PSMB7: variants seen among roughly 807,000 people sequenced by gnomAD.
The protein encoded by PSMB7 is proteasome 20S subunit beta 7.
In PSMB7, 5 loss-of-function variants were observed where a neutral mutation model predicts 28.1. That is an observed-to-expected ratio of 0.18 (90% CI 0.09 to 0.37). The LOEUF (loss-of-function observed/expected upper bound fraction) is 0.37, where lower values mean the gene tolerates loss of function less well. PSMB7 is among the 10% of genes least tolerant of loss of function. The probability of loss-of-function intolerance (pLI) is 1.00; values close to 1 mark genes in which losing one functional copy is unlikely to be tolerated. For missense variants in PSMB7, 275 were observed against 346.2 expected, an observed-to-expected ratio of 0.79 and a Z score of 1.63; for synonymous variants, 122 against 123.7, an observed-to-expected ratio of 0.99 and a Z score of 0.09.
chr9:124,375,132 T>A (rs1021184841), intron 6 of PSMB7, among the ~76,000 whole-genome samples: 9 of 151,216 alleles, frequency 6.0e-5, no homozygotes, highest in African/African-American at 1.9e-4. Flanking sequence ...AAGCTATGGA[T>A]CACAATAAAC....
In PSMB7 at chr9:124,356,054, G is replaced by C. The variant is rs1406865416; in HGVS notation, c.722+710C>G. ...ATGCTGCAGCTGGAAGCAGCACTCAGGGAGCCCATCCTGACCTGCCCGGGC... is the reference window on the plus strand; with the variant it reads ...ATGCTGCAGCTGGAAGCAGCACTCACGGAGCCCATCCTGACCTGCCCGGGC... On this transcript the variant is annotated intron_variant, in intron 7 of 7. Coordinates refer to ENST00000259457, the MANE Select transcript of PSMB7 (RefSeq NM_002799.4). This position sits in a 1 kb window ranked among gnomAD's most constrained non-coding sequence, Gnocchi z 4.4. 6.6e-6 allele frequency among the ~76,000 whole-genome samples: 1 copy of C among 152,104 alleles called. No individual in the cohort carries two copies. Among genetic ancestry groups the C allele is most frequent in the African/African-American group, 2.4e-5 (1 of 41,422 alleles).
rs112932377 is a variant in PSMB7 at position 124,401,756 on chromosome 9, C to T, written c.511+3561G>A. Among the ~76,000 whole-genome samples, 593 of 152,286 alleles carry T rather than the reference C, an allele frequency of 3.9e-3. 4 individuals carry two copies. Among genetic ancestry groups the T allele is most frequent in the African/African-American group, 0.014 (566 of 41,546 alleles). On this transcript the variant is annotated intron_variant, in intron 5 of 7. Transcript: ENST00000259457. ...GCTGATGAGGCCGGGTGCAGTGGCTCACACCTGTAATCCTAGCACTTTGGG... is the reference window on the plus strand; with the variant it reads ...GCTGATGAGGCCGGGTGCAGTGGCTTACACCTGTAATCCTAGCACTTTGGG...
chr9:124,374,548 A>AG (rs1431708159), intron 6 of PSMB7, among the ~76,000 whole-genome samples: 1 of 152,246 alleles, frequency 6.6e-6, no homozygotes, highest in Non-Finnish European at 1.5e-5. Context: ...CTAAGACACC[A>AG]GTACCATGGC....
chr9:124,361,022 G>C (rs11789637), intron 6 of PSMB7, among the ~76,000 whole-genome samples: 48,545 of 152,052 alleles, frequency 0.32, 9,692 homozygotes, highest in Non-Finnish European at 0.44. Flanking sequence ...GAGGGCCAAA[G>C]AAACCTGCTG....
intron 3 of PSMB7, among the ~76,000 whole-genome samples, chr9:124,413,210 A>C (rs181365322): frequency 9.3e-5 from 14 of 150,618 alleles, no homozygotes; most frequent in Admixed American, 8.6e-4. Flanking sequence ...GGAAAAGGTT[A>C]TATATGAGCT....
intron 6 of PSMB7, among the ~76,000 whole-genome samples, chr9:124,380,463 C>G (rs920998349): frequency 1.3e-5 from 2 of 152,066 alleles, no homozygotes; most frequent in Non-Finnish European, 2.9e-5. Flanking sequence ...ATCACTTGAG[C>G]CTGGGAAGTC....
chr9:124,368,598 C>T (rs1020099675), intron 6 of PSMB7, among the ~76,000 whole-genome samples: 8 of 152,154 alleles, frequency 5.3e-5, no homozygotes, highest in African/African-American at 1.7e-4. Context: ...AAATTATTTT[C>T]GGCCACCCCG....
chr9:124,411,232 A>C (rs1831024996), intron 4 of PSMB7, among the ~76,000 whole-genome samples: 1 of 152,236 alleles, frequency 6.6e-6, no homozygotes, highest in Non-Finnish European at 1.5e-5. Context: ...TTGGCCTCCC[A>C]AAGTGCTGGG....
intron 6 of PSMB7, among the ~76,000 whole-genome samples, chr9:124,361,461 C>A (rs994345238): frequency 6.6e-6 from 1 of 152,138 alleles, no homozygotes; most frequent in East Asian, 1.9e-4. Context: ...TTAAACTGAC[C>A]AGTAATGGAT....
At chr9:124,364,890 CATCTGGATAGGACA>C (rs1830492466) in intron 6 of PSMB7, among the ~76,000 whole-genome samples, 1 of 152,176 alleles carries the variant, frequency 6.6e-6, no homozygotes, top group Admixed American at 6.5e-5. Flanking sequence ...CCACCTCCAA[CATCTGGATAGGACA>C]AAACCACTGC....
At position 124,377,782 on chromosome 9, in the gene PSMB7, C is replaced by T. The variant is rs1830627858; in HGVS notation, c.570+6816G>A. On this transcript the variant is annotated intron_variant, in intron 6 of 7. Transcript: ENST00000259457. ...GAAGTGGCGCTTGTATACGTCACCA[C>T]CTATCTTCATAGCTTCTCTCTGAAG... is the stretch of plus-strand genomic sequence containing the variant. Among the ~76,000 whole-genome samples, 4 of 152,220 alleles carry T rather than the reference C, an allele frequency of 2.6e-5. No individual in the cohort carries two copies. In the South Asian group the frequency reaches 8.3e-4, roughly 32 times the overall value.
intron 5 of PSMB7, among the ~76,000 whole-genome samples, chr9:124,400,127 C>T (rs1449815132): frequency 1.3e-5 from 2 of 152,186 alleles, no homozygotes; most frequent in East Asian, 1.9e-4. Flanking sequence ...CTGCTCCTGC[C>T]GCACCCATGC....
chr9:124,359,641 C>G (rs1449433665), intron 6 of PSMB7, among the ~76,000 whole-genome samples: 1 of 152,214 alleles, frequency 6.6e-6, no homozygotes, highest in Non-Finnish European at 1.5e-5. Flanking sequence ...CAGCTAGTCC[C>G]TGACTCAAGG....
intron 2 of PSMB7, 98 bp from the exon 3 acceptor site, chr9:124,414,103 C>A (rs781736004): frequency 2.5e-5 from 17 of 667,498 alleles, no homozygotes; most frequent in Non-Finnish European, 3.8e-5. Flanking sequence ...ATACCACATG[C>A]TCCCCTAATC....
At chr9:124,405,708 G>T (rs1830956241) in intron 4 of PSMB7, among the ~76,000 whole-genome samples, 1 of 151,938 alleles carries the variant, frequency 6.6e-6, no homozygotes, top group Non-Finnish European at 1.5e-5. Flanking sequence ...TTGAGACAGG[G>T]TCTCACTCTG....
At chr9:124,370,983 T>C (rs147021344) in intron 6 of PSMB7, among the ~76,000 whole-genome samples, 9 of 152,310 alleles carry the variant, frequency 5.9e-5, no homozygotes, top group African/African-American at 2.2e-4. Context: ...TGTGACTGTC[T>C]TGCACACCCA....
At chr9:124,408,897 A>G (rs1830995651) in intron 4 of PSMB7, among the ~76,000 whole-genome samples, 1 of 152,208 alleles carries the variant, frequency 6.6e-6, no homozygotes, top group South Asian at 2.1e-4. Context: ...ATAATTTTAA[A>G]AAGTTATTTT....
intron 6 of PSMB7, among the ~76,000 whole-genome samples, chr9:124,380,103 C>A (rs201077505): frequency 1.3e-5 from 2 of 152,192 alleles, no homozygotes; most frequent in African/African-American, 2.4e-5. Context: ...CAGGGTACTG[C>A]TGGTGGGCAC....
Position 124,405,347 on chromosome 9 carries a change from A to T in PSMB7, c.481T>A (p.Ser161Thr). The T allele has an allele frequency of 6.2e-7, 1 of 1,613,564 alleles. No homozygotes were observed. Among genetic ancestry groups the T allele is most frequent in the Non-Finnish European group, 8.5e-7 (1 of 1,179,508 alleles). ...PHLYSIYPHGSTDKLPYVTMG... is the reference protein window; with the variant it reads ...PHLYSIYPHGTTDKLPYVTMG... ...GTGACATAAGGCAACTTATCAGTTG[A>T]TCCATGAGGATAGATGCTGTAGAGG... Residue 161 changes from serine (S) to threonine (T), a missense_variant, in exon 5 of 8, where the codon TCA (serine) becomes ACA (threonine). By Grantham distance (58) the Ser-to-Thr change is moderately conservative. Around this residue, in one of 2 missense-constraint regions of PSMB7, gnomAD observed 213 missense variants for 302.4 expected, o/e 0.70. Transcript: ENST00000259457.
Sources: allele counts gnomAD v4.1 joint callset (sites outside exome capture counted in the v4.1 genomes callset), GRCh38; gene constraint gnomAD v4.1.1; regional missense constraint gnomAD v4.1.1; non-coding constraint Gnocchi (gnomAD v3.1); transcripts MANE v1.5; gene names NCBI Gene and HGNC (gene_info 2026-07-23, HGNC 2026-07-21).